The following UBE2D2 variants were observed in gnomAD, a reference collection of about 807,000 sequenced individuals.
UBE2D2 encodes ubiquitin-conjugating enzyme E2 D2.
Under a neutral mutation model 24.2 loss-of-function variants are expected in UBE2D2, and 2 were observed. The ratio of observed to expected loss-of-function variants is 0.08; its 90% CI spans 0.03 to 0.26. UBE2D2 has a LOEUF of 0.26. UBE2D2 is among the 10% of genes least tolerant of loss of function. The pLI, the probability that UBE2D2 is intolerant of heterozygous loss-of-function variation, is 1.00. For missense variants in UBE2D2, 44 were observed against 177.6 expected (o/e 0.25, Z 4.28); for synonymous variants, 58 against 56.5 (o/e 1.03, Z -0.12).
At chr5:139,609,107 T>C (rs1754259981) in intron 2 of UBE2D2, among the ~76,000 whole-genome samples, 1 of 152,120 alleles carries the variant, frequency 6.6e-6, no homozygotes, top group African/African-American at 2.4e-5. Context: ...AAATTCTGAT[T>C]TAAATTTTTC....
chr5:139,566,834 A>C (rs1289601753), intron 1 of UBE2D2, among the ~76,000 whole-genome samples: 1 of 151,964 alleles, frequency 6.6e-6, no homozygotes, highest in Non-Finnish European at 1.5e-5. Flanking sequence ...TATTGCTAAA[A>C]TCTGTGGGCC....
intron 1 of UBE2D2, among the ~76,000 whole-genome samples, chr5:139,575,975 A>G (rs1397442643): frequency 6.6e-6 from 1 of 152,190 alleles, no homozygotes; most frequent in East Asian, 1.9e-4. Flanking sequence ...GTGAGCTATA[A>G]TCTGCACTGC....
intron 1 of UBE2D2, among the ~76,000 whole-genome samples, chr5:139,569,250 A>G (rs1178530049): frequency 6.6e-6 from 1 of 152,110 alleles, no homozygotes; most frequent in Admixed American, 6.6e-5. Flanking sequence ...TATTTCCTTT[A>G]CAAAAGATCA....
intron 1 of UBE2D2, among the ~76,000 whole-genome samples, chr5:139,585,497 G>A (rs1296746437): frequency 1.3e-5 from 2 of 151,976 alleles, no homozygotes; most frequent in East Asian, 1.9e-4. Context: ...CAAAGTGCTG[G>A]GATTATAGCC....
chr5:139,578,431 G>GTT (rs1311055929), intron 1 of UBE2D2, among the ~76,000 whole-genome samples: 4 of 140,394 alleles, frequency 2.8e-5, no homozygotes, highest in Admixed American at 7.2e-5. Flanking sequence ...TCTGTTTTGT[G>GTT]TTTTGTGTGT....
chr5:139,538,396 G>A (rs562233712), intron 1 of UBE2D2, among the ~76,000 whole-genome samples: 2 of 152,256 alleles, frequency 1.3e-5, no homozygotes, highest in East Asian at 3.9e-4. Flanking sequence ...ATCAGCAGAT[G>A]AAGGGATAAA....
In UBE2D2 at chr5:139,537,186, A is replaced by C. The variant is rs546634914; in HGVS notation, c.-64+10574A>C. Reference sequence around the variant, plus strand: ...AGACAGAGCGAGACTCTGTCTCACAAAAAAAAAAAAAACAACAAAAAGTAA... The same window carrying C: ...AGACAGAGCGAGACTCTGTCTCACACAAAAAAAAAAAACAACAAAAAGTAA... On this transcript the variant is annotated intron_variant, in intron 1 of 6. Transcript: ENST00000511725. Among the ~76,000 whole-genome samples the C allele has an allele frequency of 4.6e-3, 539 of 118,012 alleles. 7 individuals carry two copies. Among genetic ancestry groups the C allele is most frequent in the African/African-American group, 0.016 (499 of 31,416 alleles). 77.4% of individuals were successfully genotyped at this position (118,012 alleles called of 152,430 possible).
intron 1 of UBE2D2, among the ~76,000 whole-genome samples, chr5:139,540,260 A>G (rs1752737412): frequency 6.6e-6 from 1 of 152,276 alleles, no homozygotes; most frequent in Admixed American, 6.5e-5. Flanking sequence ...GGGAAAATGG[A>G]TGAAGGGAAC....
chr5:139,542,521 G>GT (rs1561497233), intron 1 of UBE2D2, among the ~76,000 whole-genome samples: 1 of 152,056 alleles, frequency 6.6e-6, no homozygotes, highest in Non-Finnish European at 1.5e-5. Context: ...GGGTTTTGCC[G>GT]TGTTGGCTAG....
At chr5:139,562,034 T>C in intron 1 of UBE2D2, 1 of 827,722 alleles carries the variant, frequency 1.2e-6, no homozygotes, top group Non-Finnish European at 1.8e-6. Flanking sequence ...GCCTCAGCGT[T>C]CCTCCCCGGC....
At chr5:139,595,889 G>GTTT (rs1561514902) in intron 1 of UBE2D2, among the ~76,000 whole-genome samples, 2 of 113,016 alleles carry the variant, frequency 1.8e-5, no homozygotes, top group African/African-American at 3.6e-5. Context: ...TTTGTTTTTT[G>GTTT]TTGTTTTTTT....
intron 1 of UBE2D2, among the ~76,000 whole-genome samples, chr5:139,530,736 G>T (rs186448066): frequency 4.2e-4 from 64 of 152,192 alleles, no homozygotes; most frequent in Non-Finnish European, 6.6e-4. Context: ...GGGGCAAGTA[G>T]TTGAGAATAT....
At chr5:139,610,592 T>A (rs1581528253) in intron 2 of UBE2D2, among the ~76,000 whole-genome samples, 1 of 141,650 alleles carries the variant, frequency 7.1e-6, no homozygotes, top group East Asian at 2.1e-4. Flanking sequence ...TCCAGGAGGG[T>A]CTGGGCACAG....
chr5:139,532,216 C>T (rs1409973448), intron 1 of UBE2D2, among the ~76,000 whole-genome samples: 1 of 150,906 alleles, frequency 6.6e-6, no homozygotes, highest in African/African-American at 2.4e-5. Flanking sequence ...GCTCTGTTGC[C>T]CAGGCTGAAG....
At chr5:139,531,364 G>A (rs1752594360) in intron 1 of UBE2D2, among the ~76,000 whole-genome samples, 1 of 152,204 alleles carries the variant, frequency 6.6e-6, no homozygotes, top group Non-Finnish European at 1.5e-5. Flanking sequence ...TGCAGCCCCT[G>A]TCACGTACCG....
chr5:139,551,096 G>A (rs1385358501), intron 1 of UBE2D2, among the ~76,000 whole-genome samples: 3 of 152,138 alleles, frequency 2.0e-5, no homozygotes, highest in African/African-American at 7.2e-5. Context: ...TGTAATCCCA[G>A]CACTTTGGGA....
At chr5:139,584,283 A>C (rs1753668879) in intron 1 of UBE2D2, among the ~76,000 whole-genome samples, 1 of 152,174 alleles carries the variant, frequency 6.6e-6, no homozygotes, top group African/African-American at 2.4e-5. Context: ...ATAGGTTTCT[A>C]GCCTAGGAGC....
chr5:139,601,919 A>G (rs1022994294), intron 2 of UBE2D2, among the ~76,000 whole-genome samples: 1 of 152,116 alleles, frequency 6.6e-6, no homozygotes, highest in African/African-American at 2.4e-5. Context: ...CAAAAAAAAA[A>G]AAAAGAAAAA....
At chr5:139,556,850 T>TC (rs1270694283), upstream of UBE2D2, among the ~76,000 whole-genome samples, 16 of 151,980 alleles carry the variant, frequency 1.1e-4, no homozygotes, top group Admixed American at 8.5e-4. Flanking sequence ...TTTTTTTTTT[T>TC]CTGCAACATA....
Sources: allele counts gnomAD v4.1 joint callset (sites outside exome capture counted in the v4.1 genomes callset), GRCh38; gene constraint gnomAD v4.1.1; transcripts MANE v1.5; gene names NCBI Gene and HGNC (gene_info 2026-07-23, HGNC 2026-07-21).